The following SLC39A8 variants were observed in gnomAD, a reference collection of about 807,000 sequenced individuals.
The protein encoded by SLC39A8 is metal cation symporter ZIP8.
SLC39A8 carries 15 observed loss-of-function variants against 40.4 expected under a neutral mutation model. The observed-to-expected ratio is 0.37, with a 90% CI of 0.25 to 0.57. The LOEUF (loss-of-function observed/expected upper bound fraction) is 0.57. Among genes scored for constraint, SLC39A8 ranks in the 20% least tolerant of loss-of-function variants. The probability of loss-of-function intolerance (pLI) is 0.75; values close to 1 mark genes in which losing one functional copy is unlikely to be tolerated. For missense variants in SLC39A8, 472 were observed against 558.8 expected (o/e 0.84, Z 1.57); for synonymous variants, 223 against 221.6 (o/e 1.01, Z -0.06).
intron 6 of SLC39A8, among the ~76,000 whole-genome samples, chr4:102,275,538 G>T (rs1246083663): frequency 6.6e-6 from 1 of 152,116 alleles, no homozygotes; most frequent in Non-Finnish European, 1.5e-5. Flanking sequence ...AATAGTGGGA[G>T]AATTTACCAC....
intron 6 of SLC39A8, among the ~76,000 whole-genome samples, chr4:102,278,621 C>T (rs891506318): frequency 7.2e-5 from 11 of 152,072 alleles, no homozygotes; most frequent in Admixed American, 7.2e-4. Flanking sequence ...CCATTTGACC[C>T]AGCAATCCTA....
chr4:102,286,324 C>T (rs987670727), intron 6 of SLC39A8, among the ~76,000 whole-genome samples: 1 of 152,046 alleles, frequency 6.6e-6, no homozygotes, highest in African/African-American at 2.4e-5. Context: ...TATCAATCAG[C>T]ATGCATGACA....
chr4:102,340,755 A>G (rs1735903321), intron 2 of SLC39A8, among the ~76,000 whole-genome samples: 1 of 152,238 alleles, frequency 6.6e-6, no homozygotes, highest in African/African-American at 2.4e-5. Flanking sequence ...ATGGTAAAAA[A>G]TATTTCAGGA....
At chr4:102,321,209 T>C (rs1734949861) in intron 2 of SLC39A8, among the ~76,000 whole-genome samples, 1 of 152,058 alleles carries the variant, frequency 6.6e-6, no homozygotes, top group Non-Finnish European at 1.5e-5. Flanking sequence ...TAAAGAACTA[T>C]GAGAGTTCAC....
At chr4:102,304,222 T>C (rs1007010033) in intron 6 of SLC39A8, 95 bp downstream of exon 6, 1 of 923,818 alleles carries the variant, frequency 1.1e-6, no homozygotes, top group Non-Finnish European at 1.6e-6. Flanking sequence ...CTGACATACA[T>C]AAATGTACAA....
downstream of SLC39A8, among the ~76,000 whole-genome samples, chr4:102,260,447 A>G (rs1731819989): frequency 6.6e-6 from 1 of 152,200 alleles, no homozygotes; most frequent in African/African-American, 2.4e-5. Flanking sequence ...AGAGGGAGGA[A>G]GAGCTGAGTT....
chr4:102,266,765 G>T (rs186844538), intron 8 of SLC39A8, among the ~76,000 whole-genome samples: 63 of 152,002 alleles, frequency 4.1e-4, no homozygotes, highest in Admixed American at 7.9e-4. Context: ...CCGCCACCAC[G>T]CCCGGCTAAT....
intron 6 of SLC39A8, among the ~76,000 whole-genome samples, chr4:102,301,008 A>T (rs934318789): frequency 6.6e-6 from 1 of 151,994 alleles, no homozygotes; most frequent in Non-Finnish European, 1.5e-5. Context: ...ATAGCGAGAA[A>T]ATAGTCCCCA....
intron 8 of SLC39A8, 70 bp downstream of exon 8, chr4:102,267,420 T>G: frequency 1.4e-6 from 2 of 1,413,556 alleles, no homozygotes; most frequent in Non-Finnish European, 1.9e-6. Context: ...CCACCCTTAG[T>G]TAACTTATAA....
At chr4:102,318,401 G>T (rs982751837) in intron 2 of SLC39A8, among the ~76,000 whole-genome samples, 10 of 152,256 alleles carry the variant, frequency 6.6e-5, no homozygotes, top group African/African-American at 2.4e-4. Context: ...CAGTGCAGCA[G>T]AACTGAATTA....
intron 2 of SLC39A8, among the ~76,000 whole-genome samples, chr4:102,341,891 T>C (rs771240537): frequency 1.3e-5 from 2 of 152,236 alleles, no homozygotes; most frequent in Admixed American, 6.5e-5. Flanking sequence ...CTAAATCTTG[T>C]AGAAGATTCA....
At chr4:102,315,638 A>C (rs763462958) in intron 3 of SLC39A8, 30 bp downstream of exon 3, 3 of 1,569,420 alleles carry the variant, frequency 1.9e-6, no homozygotes, top group Non-Finnish European at 2.6e-6. Context: ...AGACTTTTCA[A>C]ATAAAAGAGA....
At chr4:102,330,075 T>C (rs1416592452) in intron 2 of SLC39A8, among the ~76,000 whole-genome samples, 6 of 152,020 alleles carry the variant, frequency 3.9e-5, no homozygotes, top group Non-Finnish European at 7.4e-5. Flanking sequence ...GCGAAAAAGA[T>C]CTAAAATCAA....
chr4:102,316,902 G>A (rs1734687735), intron 2 of SLC39A8, among the ~76,000 whole-genome samples: 1 of 152,140 alleles, frequency 6.6e-6, no homozygotes, highest in Admixed American at 6.6e-5. Context: ...TATAAAAAGA[G>A]ACATCAAAGA....
intron 2 of SLC39A8, among the ~76,000 whole-genome samples, chr4:102,328,668 A>T (rs1735319822): frequency 6.6e-6 from 1 of 152,220 alleles, no homozygotes; most frequent in Non-Finnish European, 1.5e-5. Flanking sequence ...GAGGCTTTCC[A>T]GGTAAACCCA....
chr4:102,263,266 T>A, intron 8 of SLC39A8, 73 bp from the exon 9 acceptor site: 1 of 1,321,198 alleles, frequency 7.6e-7, no homozygotes, highest in South Asian at 1.2e-5. Flanking sequence ...CTTAGAGGCA[T>A]ACCTTGGAGA....
chr4:102,335,431 TC>T (rs149198481), intron 2 of SLC39A8, among the ~76,000 whole-genome samples: 2,475 of 152,290 alleles, frequency 0.016, 71 homozygotes, highest in African/African-American at 0.057. Flanking sequence ...CTGTTTTCTA[TC>T]CAACAGGGTT....
chr4:102,299,393 A>G (rs1733815338), intron 6 of SLC39A8, among the ~76,000 whole-genome samples: 1 of 151,748 alleles, frequency 6.6e-6, no homozygotes, highest in African/African-American at 2.4e-5. Flanking sequence ...GGAATCTGTG[A>G]ACTCTGCTGT....
chr4:102,264,981 T>C (rs1452431339), intron 8 of SLC39A8, among the ~76,000 whole-genome samples: 3 of 152,228 alleles, frequency 2.0e-5, no homozygotes, highest in Non-Finnish European at 4.4e-5. Flanking sequence ...ACCACGTAAA[T>C]TTTATTCATG....
Sources: allele counts gnomAD v4.1 joint callset (sites outside exome capture counted in the v4.1 genomes callset), GRCh38; gene constraint gnomAD v4.1.1; transcripts MANE v1.5; gene names NCBI Gene and HGNC (gene_info 2026-07-23, HGNC 2026-07-21).